SNX25: variants seen among roughly 807,000 people sequenced by gnomAD.
The protein encoded by SNX25 is sorting nexin-25.
SNX25 carries 62 observed loss-of-function variants against 113.7 expected under a neutral mutation model. The observed-to-expected ratio is 0.55, with a 90% CI of 0.44 to 0.67. The LOEUF is 0.67. Ranked by LOEUF, SNX25 falls within the 30% of genes least tolerant of loss-of-function variation. SNX25 has a pLI of 0.00. For synonymous variants in SNX25, 421 were observed against 436.2 expected (o/e 0.97, Z 0.43); for missense variants, 1,014 against 1,161.0 (o/e 0.87, Z 1.84).
intron 9 of SNX25, among the ~76,000 whole-genome samples, chr4:185,324,526 T>C (rs1373516438): frequency 6.6e-6 from 1 of 151,810 alleles, no homozygotes; most frequent in East Asian, 1.9e-4. Context: ...AAGGTTGGAA[T>C]GTCTCCGATC....
chr4:185,350,768 A>T (rs919440485), intron 13 of SNX25, among the ~76,000 whole-genome samples: 5 of 152,210 alleles, frequency 3.3e-5, no homozygotes, highest in African/African-American at 9.6e-5. Context: ...AGGCTGAGGC[A>T]GGAGAATTGC....
chr4:185,289,336 G>T (rs1384057655), intron 6 of SNX25, among the ~76,000 whole-genome samples: 2 of 152,216 alleles, frequency 1.3e-5, no homozygotes, highest in African/African-American at 2.4e-5. Context: ...GATGCGGGGA[G>T]CCCTGGTAGG....
At chr4:185,233,983 G>A (rs1254936126) in intron 1 of SNX25, among the ~76,000 whole-genome samples, 10 of 151,956 alleles carry the variant, frequency 6.6e-5, no homozygotes, top group Non-Finnish European at 1.3e-4. Context: ...TCAGCCTCCC[G>A]AGTAGCTGGG....
At chr4:185,354,274 T>C (rs1415501579) in intron 15 of SNX25, among the ~76,000 whole-genome samples, 1 of 152,210 alleles carries the variant, frequency 6.6e-6, no homozygotes, top group African/African-American at 2.4e-5. Context: ...AGAAGAATCC[T>C]GTTGTTAAAG....
At chr4:185,260,372 A>G (rs1747121340) in intron 3 of SNX25, among the ~76,000 whole-genome samples, 1 of 152,106 alleles carries the variant, frequency 6.6e-6, no homozygotes, top group African/African-American at 2.4e-5. Context: ...GGCGAGCTGG[A>G]GCTGGCTTGT....
At chr4:185,321,806 C>T (rs2095122532) in intron 8 of SNX25, among the ~76,000 whole-genome samples, 1 of 152,128 alleles carries the variant, frequency 6.6e-6, no homozygotes, top group African/African-American at 2.4e-5. Flanking sequence ...CTGTACTGAA[C>T]ATGTACAGAC....
chr4:185,264,685 G>C, intron 4 of SNX25, 75 bp downstream of exon 4: 1 of 1,428,858 alleles, frequency 7.0e-7, no homozygotes, highest in Admixed American at 1.8e-5. Flanking sequence ...CTTGTTTACT[G>C]TTGAACATAT....
At chr4:185,280,608 A>G (rs1031959179) in intron 5 of SNX25, among the ~76,000 whole-genome samples, 4 of 152,240 alleles carry the variant, frequency 2.6e-5, no homozygotes, top group African/African-American at 9.6e-5. Flanking sequence ...GCCATTTATC[A>G]GGCTGGTATA....
At chr4:185,251,712 G>C (rs1745690566) in intron 2 of SNX25, among the ~76,000 whole-genome samples, 1 of 151,610 alleles carries the variant, frequency 6.6e-6, no homozygotes, top group Admixed American at 6.6e-5. Context: ...TGTAATTGAT[G>C]CTGCTATGAA....
At position 185,351,295 on chromosome 4, in the gene SNX25, T is replaced by C. The variant is rs2095313614; in HGVS notation, c.2302-150T>C. ...TCATTAAGAATTGATCTTATATAGT[T>C]TGTTTCAGGGGGAAAGGGAAGTGGT... is the stretch of plus-strand genomic sequence containing the variant. On this transcript the variant is annotated intron_variant, in intron 13 of 18. Transcript: ENST00000652585. 3 of 764,126 alleles carry C rather than the reference T, an allele frequency of 3.9e-6. No individual in the cohort carries two copies. In the South Asian group the frequency reaches 5.2e-5, roughly 13 times the overall value. 47.3% of individuals were successfully genotyped at this position (764,126 alleles called of 1,614,324 possible). A position where few individuals can be genotyped will look rare whatever the true frequency, so the allele number is the denominator to read the frequency against.
At chr4:185,237,363 C>A (rs1193864610) in intron 1 of SNX25, among the ~76,000 whole-genome samples, 1 of 152,186 alleles carries the variant, frequency 6.6e-6, no homozygotes, top group Non-Finnish European at 1.5e-5. Context: ...AGCAAAACAT[C>A]TCCAGGGAAT....
intron 1 of SNX25, among the ~76,000 whole-genome samples, chr4:185,239,427 G>A (rs1484979184): frequency 6.6e-6 from 1 of 152,146 alleles, no homozygotes; most frequent in Non-Finnish European, 1.5e-5. Flanking sequence ...AGCTTGCAGT[G>A]AGCTGAGATC....
intron 9 of SNX25, 150 bp from the exon 10 acceptor site, chr4:185,332,445 C>T: frequency 1.3e-6 from 1 of 754,560 alleles, no homozygotes; most frequent in Non-Finnish European, 1.9e-6. Flanking sequence ...TTTGATTTTT[C>T]TCTTTGCTGA....
At chr4:185,206,891 G>A (rs1737210311), upstream of SNX25, among the ~76,000 whole-genome samples, 1 of 152,116 alleles carries the variant, frequency 6.6e-6, no homozygotes, top group Admixed American at 6.6e-5. Flanking sequence ...GGAATAGGAT[G>A]GCATAACTCT....
chr4:185,356,834 G>A (rs909174456), intron 15 of SNX25, among the ~76,000 whole-genome samples: 14 of 152,124 alleles, frequency 9.2e-5, no homozygotes, highest in African/African-American at 3.4e-4. Context: ...ATATATAAAT[G>A]AAAATTTTGG....
upstream of SNX25, among the ~76,000 whole-genome samples, chr4:185,206,929 G>A (rs1450521722): frequency 3.9e-5 from 6 of 152,162 alleles, no homozygotes; most frequent in Non-Finnish European, 7.4e-5. Context: ...AACCCAGGAG[G>A]CTGCTAGTGT....
intron 1 of SNX25, 81 bp from the exon 2 acceptor site, chr4:185,247,213 C>A: frequency 1.1e-6 from 1 of 873,610 alleles, no homozygotes; most frequent in Non-Finnish European, 1.8e-6. Flanking sequence ...GTTTAGATGG[C>A]ATTTCATACC....
intron 1 of SNX25, among the ~76,000 whole-genome samples, chr4:185,233,179 G>A (rs887472668): frequency 2.0e-5 from 3 of 152,184 alleles, no homozygotes; most frequent in African/African-American, 7.2e-5. Flanking sequence ...AGCTATTTGG[G>A]AGGCTGAGGC....
chr4:185,340,757 G>A (rs2095255696), intron 11 of SNX25, among the ~76,000 whole-genome samples: 2 of 152,164 alleles, frequency 1.3e-5, no homozygotes, highest in Admixed American at 1.3e-4. Flanking sequence ...GGGAAGGAAG[G>A]AGTGGAAACC....
Sources: gnomAD v4.1 joint callset for allele counts (sites outside exome capture counted in the v4.1 genomes callset) on GRCh38, gnomAD v4.1.1 for gene constraint, MANE v1.5 for transcripts, NCBI Gene and HGNC (gene_info 2026-07-23, HGNC 2026-07-21) for gene names.